SUPT3H: variants seen among roughly 807,000 people sequenced by gnomAD.
SUPT3H encodes SPT3 homolog, SAGA and STAGA complex component, also known as transcription initiation protein SPT3 homolog.
A neutral mutation model predicts 44.3 loss-of-function variants in SUPT3H; 44 were observed. The observed-to-expected ratio is 0.99, with a 90% CI of 0.78 to 1.28. The LOEUF is 1.28. SUPT3H is among the 50% of genes most tolerant of loss of function. The pLI, the probability that SUPT3H is intolerant of heterozygous loss-of-function variation, is 0.00. For synonymous variants in SUPT3H, 124 were observed against 125.6 expected (o/e 0.99, Z 0.09); for missense variants, 380 against 387.1 (o/e 0.98, Z 0.15).
intron 2 of SUPT3H, among the ~76,000 whole-genome samples, chr6:45,326,260 T>C (rs562396630): frequency 4.7e-4 from 71 of 152,014 alleles, no homozygotes; most frequent in African/African-American, 1.7e-3. Flanking sequence ...AGAAAACCAT[T>C]TGCTGATCAT....
At chr6:45,176,107 G>A (rs1811767706) in intron 2 of SUPT3H, among the ~76,000 whole-genome samples, 1 of 152,124 alleles carries the variant, frequency 6.6e-6, no homozygotes, top group South Asian at 2.1e-4. Context: ...CTGGTCTACA[G>A]CTCCCAGCGT....
intron 2 of SUPT3H, among the ~76,000 whole-genome samples, chr6:45,142,667 C>T (rs772251709): frequency 5.7e-5 from 7 of 123,854 alleles, no homozygotes; most frequent in East Asian, 2.8e-4. Context: ...TCCTGGGAGG[C>T]GGAAGTTGCA....
At chr6:44,824,138 T>C (rs904689822), downstream of SUPT3H, among the ~76,000 whole-genome samples, 1 of 152,252 alleles carries the variant, frequency 6.6e-6, no homozygotes, top group African/African-American at 2.4e-5. Context: ...CTTGCTTATG[T>C]AGCTGTGTAA....
intron 2 of SUPT3H, among the ~76,000 whole-genome samples, chr6:45,252,595 A>C (rs1301619056): frequency 6.6e-6 from 1 of 152,110 alleles, no homozygotes; most frequent in East Asian, 1.9e-4. Context: ...AAACATGTAA[A>C]TTTGAAAGGG....
intron 6 of SUPT3H, among the ~76,000 whole-genome samples, chr6:44,983,395 A>G (rs1779367888): frequency 6.6e-6 from 1 of 152,220 alleles, no homozygotes; most frequent in Admixed American, 6.5e-5. Context: ...TCATTTTCTA[A>G]TAGCTAATGA....
intron 3 of SUPT3H, among the ~76,000 whole-genome samples, chr6:45,023,463 A>C (rs1785475504): frequency 6.6e-6 from 1 of 152,182 alleles, no homozygotes; most frequent in Admixed American, 6.5e-5. Flanking sequence ...TTCTACCATA[A>C]AGACACATGC....
intron 6 of SUPT3H, 105 bp downstream of exon 6, chr6:45,003,548 C>T: frequency 7.3e-7 from 1 of 1,363,980 alleles, no homozygotes; most frequent in Non-Finnish European, 9.9e-7. Flanking sequence ...AAACCACTGA[C>T]TTAGAGATTT....
At chr6:44,815,610 A>G (rs893726320) in intron 11 of SUPT3H, among the ~76,000 whole-genome samples, 2 of 152,182 alleles carry the variant, frequency 1.3e-5, no homozygotes, top group Admixed American at 1.3e-4. Context: ...AAAGGGGACA[A>G]TTAATCAAGA....
chr6:44,839,539 CT>C (rs1770547327), intron 10 of SUPT3H, among the ~76,000 whole-genome samples: 1 of 152,048 alleles, frequency 6.6e-6, no homozygotes, highest in Non-Finnish European at 1.5e-5. Flanking sequence ...AACTCCTGGG[CT>C]TGAATGATCT....
rs960891189 is a variant in SUPT3H, at chr6:44,828,385, A to AAAG, written c.*1428_*1430dup. Among the ~76,000 whole-genome samples, 42 of 152,288 alleles carry AAAG rather than the reference A, an allele frequency of 2.8e-4. No individual in the cohort carries two copies. Among genetic ancestry groups the AAAG allele is most frequent in the African/African-American group, 1.0e-3 (42 of 41,580 alleles). ...TTTCTGAAATGCAAATTTTTTCTAA[A>AAAG]AAGATTAACATAGAGCAGGTAAATG... On this transcript the variant is annotated 3_prime_UTR_variant, in exon 11 of 11. Transcript: ENST00000371459.
intron 2 of SUPT3H, among the ~76,000 whole-genome samples, chr6:45,248,304 C>T (rs1001824031): frequency 2.6e-5 from 4 of 152,048 alleles, no homozygotes; most frequent in African/African-American, 2.4e-5. Context: ...TGAAAAGCTA[C>T]ATATTTCCAT....
chr6:44,995,227 T>G (rs1781120381), intron 6 of SUPT3H, among the ~76,000 whole-genome samples: 1 of 152,030 alleles, frequency 6.6e-6, no homozygotes. Context: ...GAGCATCTAA[T>G]AGATGTTACT....
rs371223987 is a variant in SUPT3H, at chr6:45,095,732, T to C, written c.186+10190A>G. 1.1e-4 allele frequency among the ~76,000 whole-genome samples: 17 copies of C among 152,286 alleles called. No homozygotes were observed. The East Asian group carries it at 1.7e-3, about 16-fold the overall frequency. On this transcript the variant is annotated intron_variant, in intron 3 of 10. Coordinates refer to ENST00000371459, the MANE Select transcript of SUPT3H (RefSeq NM_003599.4). The surrounding 1 kb of genome is among the most constrained non-coding windows in gnomAD (Gnocchi z 4.1). ...GAACAGAGAAATGAAAGCAGCTATA[T>C]AGCCATCTGAAATCATTACTTTTTG...
intron 3 of SUPT3H, among the ~76,000 whole-genome samples, chr6:45,065,011 T>G (rs1263817445): frequency 1.3e-5 from 2 of 151,114 alleles, no homozygotes; most frequent in African/African-American, 4.9e-5. Context: ...ATATACATTT[T>G]TTTCAGCACC....
At chr6:45,302,392 A>G (rs1041796850) in intron 2 of SUPT3H, among the ~76,000 whole-genome samples, 2 of 151,134 alleles carry the variant, frequency 1.3e-5, no homozygotes, top group African/African-American at 4.9e-5. Context: ...CATTTAGAAT[A>G]ATAGTCTCCA....
intron 10 of SUPT3H, among the ~76,000 whole-genome samples, chr6:44,926,924 A>C (rs1769604517): frequency 6.6e-6 from 1 of 152,204 alleles, no homozygotes; most frequent in African/African-American, 2.4e-5. Flanking sequence ...TTATGAAGTC[A>C]TTCATGTTTT....
chr6:45,291,971 C>A (rs934769263), intron 2 of SUPT3H, among the ~76,000 whole-genome samples: 10 of 152,054 alleles, frequency 6.6e-5, no homozygotes, highest in Non-Finnish European at 1.2e-4. Context: ...AAGATTACTG[C>A]CTAGGCACAC....
At chr6:44,944,706 G>A (rs1021348972) in intron 9 of SUPT3H, among the ~76,000 whole-genome samples, 1 of 121,482 alleles carries the variant, frequency 8.2e-6, no homozygotes, top group African/African-American at 3.0e-5. Flanking sequence ...AGGCTGCAGT[G>A]AGCTATGATC....
intron 3 of SUPT3H, among the ~76,000 whole-genome samples, chr6:45,079,576 T>C (rs1009473205): frequency 6.6e-6 from 1 of 152,112 alleles, no homozygotes; most frequent in Non-Finnish European, 1.5e-5. Flanking sequence ...TAACCAAAAC[T>C]GTATGGTGTT....
Sources: gnomAD v4.1 joint callset for allele counts (sites outside exome capture counted in the v4.1 genomes callset) on GRCh38, gnomAD v4.1.1 for gene constraint, Gnocchi (gnomAD v3.1) non-coding constraint, MANE v1.5 for transcripts, NCBI Gene and HGNC (gene_info 2026-07-23, HGNC 2026-07-21) for gene names.